The following GABPB1 variants were observed in gnomAD, a reference collection of about 807,000 sequenced individuals.
The protein encoded by GABPB1 is GA-binding protein subunit beta-1.
In GABPB1, 15 loss-of-function variants were observed where a neutral mutation model predicts 45.9. That is an observed-to-expected ratio of 0.33 (90% CI 0.22 to 0.50). The LOEUF (loss-of-function observed/expected upper bound fraction) is 0.50. Ranked by LOEUF, GABPB1 falls within the 20% of genes least tolerant of loss-of-function variation. GABPB1 has a pLI of 0.98. For missense variants in GABPB1, 252 were observed against 457.5 expected (o/e 0.55, Z 4.10); for synonymous variants, 143 against 154.4 (o/e 0.93, Z 0.55).
intron 2 of GABPB1, among the ~76,000 whole-genome samples, chr15:50,306,149 T>G (rs541799226): frequency 1.8e-4 from 28 of 152,048 alleles, no homozygotes; most frequent in Admixed American, 6.6e-4. Flanking sequence ...AATTTTTTTC[T>G]TTTTGTTTGA....
Position 50,281,378 on chromosome 15 carries a change from A to AT in GABPB1, c.1000-2595dup, listed in dbSNP as rs10717896. Among the ~76,000 whole-genome samples, 37 of 151,972 alleles carry AT rather than the reference A, an allele frequency of 2.4e-4. No homozygotes were observed. The South Asian group carries it at 5.8e-3, about 24-fold the overall frequency. ...AGGCGCACGCCACCATGCTCAGCTA[A>AT]TTTTTTGTATTTTTAGTAGAGACGG... On this transcript the variant is annotated intron_variant, in intron 8 of 8. Coordinates refer to ENST00000380877, the MANE Select transcript of GABPB1 (RefSeq NM_016654.5).
chr15:50,309,041 G>T (rs2047040246), intron 2 of GABPB1, among the ~76,000 whole-genome samples: 2 of 152,090 alleles, frequency 1.3e-5, no homozygotes, highest in African/African-American at 4.8e-5. Context: ...CATGAAAAAT[G>T]TAAAAAGAGA....
chr15:50,314,170 GATTTATTTATTT>G (rs372088129), intron 1 of GABPB1, among the ~76,000 whole-genome samples: 1 of 149,570 alleles, frequency 6.7e-6, no homozygotes, highest in Non-Finnish European at 1.5e-5. Context: ...CCATACGGTA[GATTTATTTATTT>G]ATTTATTTAT....
chr15:50,342,957 G>A (rs984610293), intron 1 of GABPB1, among the ~76,000 whole-genome samples: 1 of 127,758 alleles, frequency 7.8e-6, no homozygotes, highest in Non-Finnish European at 1.6e-5. Flanking sequence ...CTGGAGTGCA[G>A]TGGCACGATC....
intron 1 of GABPB1, among the ~76,000 whole-genome samples, chr15:50,335,756 C>T (rs937675027): frequency 1.3e-5 from 2 of 151,628 alleles, no homozygotes; most frequent in South Asian, 2.1e-4. Context: ...ATTAGCCAGG[C>T]GTGGTGGCAT....
chr15:50,313,253 A>G (rs2047192964), intron 1 of GABPB1, among the ~76,000 whole-genome samples: 1 of 152,192 alleles, frequency 6.6e-6, no homozygotes, highest in Non-Finnish European at 1.5e-5. Flanking sequence ...AATAGAAATA[A>G]TTCACAAGGG....
At chr15:50,310,219 A>T (rs747631109) in intron 1 of GABPB1, among the ~76,000 whole-genome samples, 9 of 152,164 alleles carry the variant, frequency 5.9e-5, no homozygotes, top group Non-Finnish European at 1.3e-4. Flanking sequence ...CAGCCTCCCA[A>T]GTAGCTTGGA....
chr15:50,308,088 T>C (rs2047007810), intron 2 of GABPB1, among the ~76,000 whole-genome samples: 2 of 152,156 alleles, frequency 1.3e-5, no homozygotes, highest in South Asian at 4.1e-4. Context: ...CTCAAGTCCT[T>C]ATAGGTCTGC....
At chr15:50,302,282 T>G (rs1354661757) in intron 4 of GABPB1, among the ~76,000 whole-genome samples, 2 of 152,192 alleles carry the variant, frequency 1.3e-5, no homozygotes, top group African/African-American at 4.8e-5. Context: ...TTTTTAATTT[T>G]TATAAAGTCA....
chr15:50,291,531 T>C (rs2046341728), intron 6 of GABPB1, among the ~76,000 whole-genome samples: 1 of 151,204 alleles, frequency 6.6e-6, no homozygotes, highest in African/African-American at 2.4e-5. Flanking sequence ...TTACACCATA[T>C]TGGCCAGGCT....
intron 1 of GABPB1, among the ~76,000 whole-genome samples, chr15:50,330,912 A>G (rs980741863): frequency 2.6e-5 from 4 of 152,250 alleles, no homozygotes; most frequent in Admixed American, 2.0e-4. Context: ...GGTATGAAGA[A>G]AAAGTAAGGC....
rs1363808799 is a variant in GABPB1, at chr15:50,319,646, G to A, written c.1-9848C>T. 2.6e-5 allele frequency among the ~76,000 whole-genome samples: 4 copies of A among 152,202 alleles called. No individual in the cohort carries two copies. The East Asian group carries it at 7.7e-4, about 29-fold the overall frequency. ...AGGTCAGGAGTTCGAGACCAGCCTG[G>A]CCAACATGATGAAACCCCGTCTCTA... On this transcript the variant is annotated intron_variant, in intron 1 of 8. Coordinates refer to ENST00000380877, the MANE Select transcript of GABPB1 (RefSeq NM_016654.5).
At chr15:50,304,714 GAA>G (rs1230865292) in intron 2 of GABPB1, among the ~76,000 whole-genome samples, 5 of 105,422 alleles carry the variant, frequency 4.7e-5, no homozygotes, top group African/African-American at 3.5e-5. Flanking sequence ...TTGGTCTAAA[GAA>G]AAAAAAAAAA....
intron 7 of GABPB1, among the ~76,000 whole-genome samples, chr15:50,288,397 T>C (rs1178855539): frequency 6.6e-6 from 1 of 152,202 alleles, no homozygotes; most frequent in East Asian, 1.9e-4. Context: ...ACACTTCTTT[T>C]AGGGGGAGAC....
chr15:50,283,098 T>C (rs1385675936), intron 8 of GABPB1, among the ~76,000 whole-genome samples: 41 of 152,080 alleles, frequency 2.7e-4, no homozygotes, highest in Non-Finnish European at 1.5e-5. Context: ...CTAACCTCCA[T>C]GGCAAAGAAA....
chr15:50,336,188 T>G (rs2048118450), intron 1 of GABPB1, among the ~76,000 whole-genome samples: 1 of 151,360 alleles, frequency 6.6e-6, no homozygotes, highest in Non-Finnish European at 1.5e-5. Context: ...CCATCTCTAT[T>G]AAAATAACAC....
intron 1 of GABPB1, among the ~76,000 whole-genome samples, chr15:50,336,761 G>A (rs957668903): frequency 2.6e-5 from 4 of 151,384 alleles, no homozygotes; most frequent in South Asian, 2.1e-4. Context: ...AATATATATC[G>A]ATATTGGTCT....
chr15:50,310,751 G>A (rs1001449979), intron 1 of GABPB1, among the ~76,000 whole-genome samples: 3 of 152,134 alleles, frequency 2.0e-5, no homozygotes, highest in African/African-American at 4.8e-5. Context: ...GGCTGAGGCA[G>A]GTGGATCCTT....
At chr15:50,320,410 C>T (rs1420198897) in intron 1 of GABPB1, among the ~76,000 whole-genome samples, 1 of 152,222 alleles carries the variant, frequency 6.6e-6, no homozygotes, top group Admixed American at 6.5e-5. Context: ...TCAGGTGATC[C>T]ACCTGCCTTG....
Sources: allele counts gnomAD v4.1 joint callset (sites outside exome capture counted in the v4.1 genomes callset), GRCh38; gene constraint gnomAD v4.1.1; transcripts MANE v1.5; gene names NCBI Gene and HGNC (gene_info 2026-07-23, HGNC 2026-07-21).